Variants in CATSPERB observed in about 807,000 individuals in gnomAD.
CATSPERB encodes cation channel sperm-associated auxiliary subunit beta.
A neutral mutation model predicts 128.3 loss-of-function variants in CATSPERB; 93 were observed. The observed-to-expected ratio is 0.72, with a 90% CI of 0.61 to 0.86. The LOEUF is 0.86. CATSPERB is among the 40% of genes least tolerant of loss of function. The probability of loss-of-function intolerance (pLI) is 0.00; values close to 1 mark genes in which losing one functional copy is unlikely to be tolerated. For missense variants in CATSPERB, 1,153 were observed against 1,329.5 expected (o/e 0.87, Z 2.06); for synonymous variants, 381 against 448.8 (o/e 0.85, Z 1.91).
intron 22 of CATSPERB, among the ~76,000 whole-genome samples, chr14:91,603,884 A>G (rs1893651309): frequency 6.6e-6 from 1 of 152,144 alleles, no homozygotes; most frequent in African/African-American, 2.4e-5. Flanking sequence ...GGGGATTACA[A>G]TTCGACATGA....
chr14:91,680,709 A>G (rs928159598), intron 11 of CATSPERB, among the ~76,000 whole-genome samples: 2 of 152,068 alleles, frequency 1.3e-5, no homozygotes, highest in African/African-American at 4.8e-5. Flanking sequence ...TTAGTATGGG[A>G]CAAAGTAAAA....
rs184206824 is a variant in CATSPERB at position 91,617,107 on chromosome 14, C to T, written c.2400+490G>A. Among the ~76,000 whole-genome samples the T allele has an allele frequency of 3.9e-5, 6 of 152,074 alleles. No individual in the cohort carries two copies. In the East Asian group the frequency reaches 7.7e-4, roughly 20 times the overall value. On this transcript the variant is annotated intron_variant, in intron 20 of 26. Coordinates refer to ENST00000256343, the MANE Select transcript of CATSPERB (RefSeq NM_024764.4). Reference sequence around the variant, plus strand: ...TAATTAACCGTATACACATATAAAGCGATAAAAAGGAGTCCAAGTTAAACA... The same window carrying T: ...TAATTAACCGTATACACATATAAAGTGATAAAAAGGAGTCCAAGTTAAACA...
At chr14:91,729,317 A>G (rs1410975263) in intron 2 of CATSPERB, 84 bp downstream of exon 2, 37 of 555,220 alleles carry the variant, frequency 6.7e-5, no homozygotes, top group Non-Finnish European at 1.0e-4. Flanking sequence ...ATACTAAAAG[A>G]AAAATTTTTT....
intron 15 of CATSPERB, among the ~76,000 whole-genome samples, chr14:91,652,670 CAAAAAAAAAAAAAAAAAAAAAAA>C (rs58608847): frequency 1.4e-5 from 1 of 69,166 alleles, no homozygotes; most frequent in Non-Finnish European, 2.5e-5. Flanking sequence ...GACTCTGTCT[CAAAAAAAAAAAAAAAAAAAAAAA>C]AAAAAAAAAA....
intron 20 of CATSPERB, among the ~76,000 whole-genome samples, chr14:91,614,070 C>T (rs762952084): frequency 2.6e-5 from 4 of 152,152 alleles, no homozygotes; most frequent in Non-Finnish European, 4.4e-5. Flanking sequence ...ACTCCCTTGC[C>T]GCACGTCTCT....
intron 14 of CATSPERB, among the ~76,000 whole-genome samples, chr14:91,661,745 A>T (rs1242593036): frequency 6.6e-6 from 1 of 151,660 alleles, no homozygotes; most frequent in Admixed American, 6.6e-5. Context: ...GCTGGTCTGA[A>T]ACTCCCGGGC....
At chr14:91,653,885 A>C (rs1269862693) in intron 15 of CATSPERB, among the ~76,000 whole-genome samples, 1 of 152,216 alleles carries the variant, frequency 6.6e-6, no homozygotes, top group African/African-American at 2.4e-5. Context: ...ACCACTTTCC[A>C]AGGCACTTTA....
chr14:91,621,555 C>A, intron 19 of CATSPERB, 53 bp downstream of exon 19: 1 of 1,367,774 alleles, frequency 7.3e-7, no homozygotes. Flanking sequence ...ATTTCACATT[C>A]AAGAAAAGAA....
At chr14:91,679,050 C>T (rs144690542) in intron 11 of CATSPERB, among the ~76,000 whole-genome samples, 3 of 152,146 alleles carry the variant, frequency 2.0e-5, no homozygotes, top group Non-Finnish European at 4.4e-5. Context: ...AATCAAGTTA[C>T]GTGTAAATGG....
At chr14:91,603,351 G>C (rs1393442772) in intron 22 of CATSPERB, 1 of 1,608,450 alleles carries the variant, frequency 6.2e-7, no homozygotes, top group African/African-American at 1.3e-5. Flanking sequence ...CACTACATCA[G>C]GTAACTTTTT....
chr14:91,596,669 G>T (rs570750652), intron 22 of CATSPERB, among the ~76,000 whole-genome samples: 7 of 152,214 alleles, frequency 4.6e-5, no homozygotes, highest in Non-Finnish European at 1.0e-4. Context: ...GATTATTACT[G>T]ATAATGTACA....
intron 18 of CATSPERB, among the ~76,000 whole-genome samples, chr14:91,622,689 C>T (rs1389659718): frequency 5.3e-5 from 8 of 152,130 alleles, no homozygotes. Flanking sequence ...CAATTTCTCC[C>T]AGTTCAAACC....
At chr14:91,582,147 C>T (rs1411284016) in intron 26 of CATSPERB, among the ~76,000 whole-genome samples, 1 of 152,192 alleles carries the variant, frequency 6.6e-6, no homozygotes, top group Non-Finnish European at 1.5e-5. Context: ...TCCCAGCCCA[C>T]CAGTCCGTGT....
At chr14:91,716,025 T>G (rs1895931680) in intron 5 of CATSPERB, among the ~76,000 whole-genome samples, 1 of 152,204 alleles carries the variant, frequency 6.6e-6, no homozygotes, top group Non-Finnish European at 1.5e-5. Context: ...CAAAGATTTC[T>G]TAGCTGTGAT....
intron 15 of CATSPERB, among the ~76,000 whole-genome samples, chr14:91,657,699 A>G (rs1308630060): frequency 6.6e-6 from 1 of 152,204 alleles, no homozygotes; most frequent in African/African-American, 2.4e-5. Context: ...TGATTTTAAA[A>G]TGGGCAAAAA....
At chr14:91,617,061 A>G (rs1893952958) in intron 20 of CATSPERB, among the ~76,000 whole-genome samples, 1 of 152,134 alleles carries the variant, frequency 6.6e-6, no homozygotes, top group South Asian at 2.1e-4. Flanking sequence ...CCCTATGTTT[A>G]AGCAGTTGAA....
chr14:91,581,025 A>G lies in CATSPERB; in HGVS notation c.3215T>C (p.Ile1072Thr), dbSNP rs745771776. The G allele has an allele frequency of 1.9e-6, 3 of 1,614,238 alleles. No homozygotes were observed. Among genetic ancestry groups the G allele is most frequent in the Non-Finnish European group, 2.5e-6 (3 of 1,180,034 alleles). Residue 1072 changes from isoleucine (I) to threonine (T), a missense_variant, in exon 27 of 27, where the codon ATT becomes ACT. Physicochemically the swap from Ile to Thr is moderately conservative, Grantham distance 89. Transcript: ENST00000256343. ...CAGTTGAAACATAAATGCTATAAAA[A>G]TTAATCCCCCTAGCACTACCGCTGT... ...VATAVVLGGL[I>T]FIAFMFQLQG...
intron 22 of CATSPERB, among the ~76,000 whole-genome samples, chr14:91,594,489 A>G (rs1595138315): frequency 2.8e-5 from 1 of 36,068 alleles, no homozygotes; most frequent in South Asian, 9.4e-4. Context: ...ATAATAAAAG[A>G]AAAAAAAAAA....
chr14:91,729,329 C>T, intron 2 of CATSPERB, 72 bp downstream of exon 2: 1 of 607,998 alleles, frequency 1.6e-6, no homozygotes, highest in East Asian at 3.1e-5. Flanking sequence ...AAATTTTTTA[C>T]TGTAAATAAG....
Sources: allele counts gnomAD v4.1 joint callset (sites outside exome capture counted in the v4.1 genomes callset), GRCh38; gene constraint gnomAD v4.1.1; transcripts MANE v1.5; gene names NCBI Gene and HGNC (gene_info 2026-07-23, HGNC 2026-07-21).